Variants in ARHGAP15 observed in about 807,000 individuals in gnomAD.
ARHGAP15 encodes the protein Rho GTPase activating protein 15, also known as rho GTPase-activating protein 15.
A neutral mutation model predicts 63.7 loss-of-function variants in ARHGAP15; 51 were observed. The ratio of observed to expected loss-of-function variants is 0.80; its 90% CI spans 0.64 to 1.01. The LOEUF (loss-of-function observed/expected upper bound fraction) is 1.01, where lower values mean the gene tolerates loss of function less well. Among genes scored for constraint, ARHGAP15 ranks in the 50% least tolerant of loss-of-function variants. ARHGAP15 has a pLI of 0.00. For missense variants in ARHGAP15, 560 were observed against 564.6 expected (o/e 0.99, Z 0.08); for synonymous variants, 191 against 193.8 (o/e 0.99, Z 0.12).
intron 12 of ARHGAP15, among the ~76,000 whole-genome samples, chr2:143,675,759 A>G (rs1296642640): frequency 6.6e-6 from 1 of 152,140 alleles, no homozygotes; most frequent in Non-Finnish European, 1.5e-5. Context: ...GGCAGATTAG[A>G]TTTAACATAA....
chr2:143,231,417 C>G (rs530937166), intron 5 of ARHGAP15, among the ~76,000 whole-genome samples: 1 of 152,106 alleles, frequency 6.6e-6, no homozygotes, highest in South Asian at 2.1e-4. Flanking sequence ...AAGAATGTAT[C>G]CAGAAGTAGC....
intron 6 of ARHGAP15, among the ~76,000 whole-genome samples, chr2:143,289,072 T>C (rs368488626): frequency 6.6e-6 from 1 of 152,042 alleles, no homozygotes; most frequent in East Asian, 1.9e-4. Context: ...AATCCATAGC[T>C]CTGGAGAGTT....
At chr2:143,765,109 A>ATGTGTGTGTGTGTGTGTGTGTG (rs60894627) in intron 13 of ARHGAP15, among the ~76,000 whole-genome samples, 1 of 147,518 alleles carries the variant, frequency 6.8e-6, no homozygotes, top group African/African-American at 2.5e-5. Context: ...CCTCTAAAAT[A>ATGTGTGTGTGTGTGTGTGTGTG]TGTGTGTGTG....
intron 8 of ARHGAP15, among the ~76,000 whole-genome samples, chr2:143,473,159 C>T (rs1224913759): frequency 6.6e-6 from 1 of 152,146 alleles, no homozygotes; most frequent in African/African-American, 2.4e-5. Flanking sequence ...TTTTGCCAAA[C>T]CATCACATGA....
intron 12 of ARHGAP15, among the ~76,000 whole-genome samples, chr2:143,689,660 T>C (rs1483745310): frequency 2.6e-5 from 4 of 152,194 alleles, no homozygotes; most frequent in African/African-American, 7.2e-5. Context: ...AAGGCACTAG[T>C]ATCCTGACAT....
chr2:143,165,996 A>AAGAAAGAAAGAAAGAG (rs1690499976), intron 2 of ARHGAP15, among the ~76,000 whole-genome samples: 6 of 99,070 alleles, frequency 6.1e-5, no homozygotes, highest in Non-Finnish European at 1.4e-4. Context: ...GAAAGAAAGA[A>AAGAAAGAAAGAAAGAG]AGAAAGAAGG....
chr2:143,131,958 A>T (rs13420943), intron 1 of ARHGAP15, among the ~76,000 whole-genome samples: 60 of 152,272 alleles, frequency 3.9e-4, no homozygotes, highest in African/African-American at 1.4e-3. Context: ...CATTTCTTTA[A>T]GATAGTCCTG....
intron 12 of ARHGAP15, among the ~76,000 whole-genome samples, chr2:143,695,749 T>A (rs921141204): frequency 1.3e-5 from 2 of 151,878 alleles, no homozygotes; most frequent in Non-Finnish European, 2.9e-5. Flanking sequence ...GTGCCTGTAG[T>A]CCCAGCTACT....
intron 8 of ARHGAP15, among the ~76,000 whole-genome samples, chr2:143,447,058 T>C (rs1690176160): frequency 6.6e-6 from 1 of 152,236 alleles, no homozygotes. Flanking sequence ...TCCAAGTCTT[T>C]GCTATTGTGA....
At chr2:143,606,223 C>T (rs1698023044) in intron 11 of ARHGAP15, among the ~76,000 whole-genome samples, 2 of 152,124 alleles carry the variant, frequency 1.3e-5, no homozygotes, top group African/African-American at 4.8e-5. Context: ...CATGCTACAA[C>T]AGCACAATTG....
chr2:143,322,970 G>A (rs532622067), intron 6 of ARHGAP15, among the ~76,000 whole-genome samples: 1 of 152,272 alleles, frequency 6.6e-6, no homozygotes, highest in Admixed American at 6.5e-5. Flanking sequence ...ATGAAAATTA[G>A]GTGACTTTGG....
At chr2:143,190,905 A>G (rs1164197483) in intron 2 of ARHGAP15, among the ~76,000 whole-genome samples, 1 of 152,088 alleles carries the variant, frequency 6.6e-6, no homozygotes, top group African/African-American at 2.4e-5. Context: ...TGAGTAGCTG[A>G]GACTACAGGC....
At chr2:143,424,421 C>T (rs1041244546) in intron 6 of ARHGAP15, among the ~76,000 whole-genome samples, 1 of 151,758 alleles carries the variant, frequency 6.6e-6, no homozygotes, top group Non-Finnish European at 1.5e-5. Context: ...AATTCTGGAG[C>T]GTGTCTGTAA....
chr2:143,714,111 G>A (rs964079692), intron 13 of ARHGAP15, among the ~76,000 whole-genome samples: 3 of 152,178 alleles, frequency 2.0e-5, no homozygotes, highest in African/African-American at 7.2e-5. Context: ...TGAGGACCCT[G>A]CCCCTGCAGC....
At chr2:143,143,172 G>T (rs544798153) in intron 1 of ARHGAP15, among the ~76,000 whole-genome samples, 2 of 152,036 alleles carry the variant, frequency 1.3e-5, no homozygotes, top group African/African-American at 4.8e-5. Flanking sequence ...ATACTTTGAG[G>T]AAGAAAAAGC....
intron 6 of ARHGAP15, among the ~76,000 whole-genome samples, chr2:143,413,539 G>A (rs1410616334): frequency 6.6e-6 from 1 of 152,036 alleles, no homozygotes; most frequent in Non-Finnish European, 1.5e-5. Context: ...TGTAATAATA[G>A]CTCACCGTAA....
At chr2:143,517,042 G>T (rs780612690) in intron 9 of ARHGAP15, among the ~76,000 whole-genome samples, 2 of 152,030 alleles carry the variant, frequency 1.3e-5, no homozygotes, top group African/African-American at 4.8e-5. Context: ...CTCTCCCTCC[G>T]GGTTGAAGCA....
chr2:143,744,621 G>T (rs1686090937), intron 13 of ARHGAP15, among the ~76,000 whole-genome samples: 1 of 152,122 alleles, frequency 6.6e-6, no homozygotes, highest in Admixed American at 6.5e-5. Context: ...CAAAATACAG[G>T]GAATCTACTG....
At chr2:143,735,998 C>T (rs934841143) in intron 13 of ARHGAP15, among the ~76,000 whole-genome samples, 2 of 152,210 alleles carry the variant, frequency 1.3e-5, no homozygotes, top group African/African-American at 4.8e-5. Context: ...CTGTGCATTT[C>T]TTCATCCATG....
Sources: gnomAD v4.1 joint callset for allele counts (sites outside exome capture counted in the v4.1 genomes callset) on GRCh38, gnomAD v4.1.1 for gene constraint, MANE v1.5 for transcripts, NCBI Gene and HGNC (gene_info 2026-07-23, HGNC 2026-07-21) for gene names.